CCDC150: variants seen among roughly 807,000 people sequenced by gnomAD.
CCDC150 encodes coiled-coil domain-containing protein 150.
CCDC150 carries 151 observed loss-of-function variants against 156.5 expected under a neutral mutation model. The observed-to-expected ratio is 0.97, with a 90% CI of 0.85 to 1.10. The LOEUF is 1.10. Among genes scored for constraint, CCDC150 ranks in the 50% least tolerant of loss-of-function variants. CCDC150 has a pLI of 0.00. For synonymous variants in CCDC150, 452 were observed against 429.4 expected, an observed-to-expected ratio of 1.05 and a Z score of -0.65; for missense variants, 1,312 against 1,268.1, an observed-to-expected ratio of 1.03 and a Z score of -0.53.
intron 7 of CCDC150, chr2:196,667,215 A>T: frequency 7.7e-6 from 2 of 258,356 alleles, no homozygotes; most frequent in South Asian, 1.1e-4. Context: ...ATCCTTGATG[A>T]CTTATGGATT....
intron 15 of CCDC150, among the ~76,000 whole-genome samples, chr2:196,710,125 C>G (rs1696996038): frequency 2.0e-5 from 3 of 152,374 alleles, no homozygotes; most frequent in African/African-American, 7.2e-5. Flanking sequence ...GAGGTGGAGT[C>G]TACAGAAGCA....
chr2:196,717,991 T>C (rs183280427), intron 17 of CCDC150, among the ~76,000 whole-genome samples: 41 of 152,272 alleles, frequency 2.7e-4, no homozygotes, highest in African/African-American at 9.1e-4. Flanking sequence ...AAAGGGGTAA[T>C]ATTTAAAATA....
At chr2:196,709,926 C>T (rs1279851993) in intron 15 of CCDC150, among the ~76,000 whole-genome samples, 1 of 152,140 alleles carries the variant, frequency 6.6e-6, no homozygotes, top group South Asian at 2.1e-4. Flanking sequence ...GTCAGTTGGC[C>T]CCTACTGGGA....
chr2:196,646,581 A>G (rs947295687), intron 2 of CCDC150, 77 bp downstream of exon 2: 11 of 1,036,998 alleles, frequency 1.1e-5, no homozygotes, highest in South Asian at 7.2e-5. Context: ...AGTTTGGCAG[A>G]TGAGATGGAT....
intron 2 of CCDC150, among the ~76,000 whole-genome samples, chr2:196,652,142 C>T (rs1424124376): frequency 6.6e-6 from 1 of 152,114 alleles, no homozygotes; most frequent in Non-Finnish European, 1.5e-5. Context: ...GACAAACATC[C>T]AAACTATATC....
chr2:196,640,999 G>T (rs1692189530), intron 1 of CCDC150, among the ~76,000 whole-genome samples: 1 of 151,918 alleles, frequency 6.6e-6, no homozygotes, highest in African/African-American at 2.4e-5. Context: ...ACGGAGTCTC[G>T]CTCTGTCGCC....
intron 2 of CCDC150, among the ~76,000 whole-genome samples, chr2:196,650,234 A>T (rs563785240): frequency 1.3e-5 from 2 of 152,242 alleles, no homozygotes; most frequent in African/African-American, 4.8e-5. Context: ...CTTTCTCTAC[A>T]TCTATTGAGA....
At chr2:196,718,446 G>A (rs1019102640) in intron 17 of CCDC150, 57 bp from the exon 18 acceptor site, 3 of 1,413,028 alleles carry the variant, frequency 2.1e-6, no homozygotes, top group Non-Finnish European at 2.9e-6. Context: ...AAATTTCTAT[G>A]TCTTATTCTA....
In CCDC150 at chr2:196,729,235, G is replaced by A. The variant is rs1401150327; in HGVS notation, c.2599G>A (p.Val867Met). The stretch of plus-strand genomic sequence containing the variant: ...TGAAGCTAACTTCAGATCAGTGGAA[G>A]TGTCCCGGACCAACCGAGAGCTGCG... ...LDEANFRSVE[V>M]SRTNRELRQK... The change falls in exon 23 of 28, where the codon GTG (valine) becomes ATG (methionine). Residue 867 changes from valine (V) to methionine (M), a missense_variant. Coordinates refer to ENST00000389175, the MANE Select transcript of CCDC150 (RefSeq NM_001080539.2). The A allele has an allele frequency of 7.4e-6, 12 of 1,613,550 alleles. No homozygotes were observed. The highest frequency in any genetic ancestry group is 2.7e-5 in the African/African-American group (2 of 74,858).
intron 1 of CCDC150, among the ~76,000 whole-genome samples, chr2:196,641,061 C>A (rs1692193930): frequency 6.6e-6 from 1 of 152,200 alleles, no homozygotes; most frequent in Non-Finnish European, 1.5e-5. Context: ...CTCCTGGGTT[C>A]ACACCATTCT....
At chr2:196,691,388 G>A (rs555190845) in intron 13 of CCDC150, among the ~76,000 whole-genome samples, 32 of 152,242 alleles carry the variant, frequency 2.1e-4, no homozygotes, top group African/African-American at 7.5e-4. Flanking sequence ...TTCTGAACTC[G>A]TTATTAGTCT....
intron 7 of CCDC150, among the ~76,000 whole-genome samples, chr2:196,668,784 A>G (rs967347688): frequency 2.6e-5 from 4 of 152,186 alleles, no homozygotes; most frequent in African/African-American, 7.2e-5. Flanking sequence ...CTCCCCTTTC[A>G]TTCTTAACTT....
At chr2:196,641,612 T>C (rs1692235241) in intron 1 of CCDC150, among the ~76,000 whole-genome samples, 1 of 152,216 alleles carries the variant, frequency 6.6e-6, no homozygotes, top group African/African-American at 2.4e-5. Flanking sequence ...AGTGTCTGTC[T>C]TCTTCAGCTG....
chr2:196,702,019 C>T (rs1228709906), intron 15 of CCDC150, among the ~76,000 whole-genome samples: 4 of 152,052 alleles, frequency 2.6e-5, no homozygotes, highest in African/African-American at 7.2e-5. Flanking sequence ...GGCTTGAGGC[C>T]AGGAGTTTGA....
chr2:196,725,446 G>A (rs1698158617), intron 21 of CCDC150, among the ~76,000 whole-genome samples: 1 of 152,148 alleles, frequency 6.6e-6, no homozygotes, highest in African/African-American at 2.4e-5. Flanking sequence ...CTTGAACAAG[G>A]AGTTCAAGTT....
At chr2:196,654,840 T>G (rs531768812) in intron 2 of CCDC150, among the ~76,000 whole-genome samples, 35 of 152,364 alleles carry the variant, frequency 2.3e-4, no homozygotes, top group African/African-American at 5.8e-4. Flanking sequence ...CAGTAACCTC[T>G]CCCAGTCTTG....
intron 15 of CCDC150, among the ~76,000 whole-genome samples, chr2:196,710,086 G>A (rs1305809298): frequency 6.6e-6 from 1 of 152,264 alleles, no homozygotes; most frequent in East Asian, 1.9e-4. Context: ...AGTTTCTGCT[G>A]CCTTTTGTTC....
chr2:196,725,642 T>G (rs182118498), intron 21 of CCDC150, among the ~76,000 whole-genome samples: 90 of 152,334 alleles, frequency 5.9e-4, no homozygotes, highest in Admixed American at 2.4e-3. Flanking sequence ...CTATAATGTT[T>G]TGTTTGAAAA....
At chr2:196,682,293 C>G (rs949006298) in intron 13 of CCDC150, among the ~76,000 whole-genome samples, 1 of 151,978 alleles carries the variant, frequency 6.6e-6, no homozygotes, top group African/African-American at 2.4e-5. Context: ...TTTCTAGACT[C>G]TTAATTATCT....
Sources: allele counts gnomAD v4.1 joint callset (sites outside exome capture counted in the v4.1 genomes callset), GRCh38; gene constraint gnomAD v4.1.1; transcripts MANE v1.5; gene names NCBI Gene and HGNC (gene_info 2026-07-23, HGNC 2026-07-21).